The following BTAF1 variants were observed in gnomAD, a reference collection of about 807,000 sequenced individuals.
BTAF1 encodes the protein B-TFIID TATA-box binding protein associated factor 1.
In BTAF1, 38 loss-of-function variants were observed where a neutral mutation model predicts 227.1. That is an observed-to-expected ratio of 0.17 (90% CI 0.13 to 0.22). The LOEUF (loss-of-function observed/expected upper bound fraction) is 0.22. BTAF1 is among the 10% of genes least tolerant of loss of function. The pLI is 1.00. For synonymous variants in BTAF1, 742 were observed against 751.9 expected (o/e 0.99, Z 0.21); for missense variants, 1,598 against 2,204.0 (o/e 0.73, Z 5.51).
At chr10:91,964,416 T>C (rs1846734965) in intron 13 of BTAF1, among the ~76,000 whole-genome samples, 1 of 152,168 alleles carries the variant, frequency 6.6e-6, no homozygotes, top group Non-Finnish European at 1.5e-5. Context: ...CCTTGAGATA[T>C]TTCAGTTATA....
chr10:91,972,967 T>C (rs1161096291), intron 14 of BTAF1, among the ~76,000 whole-genome samples: 1 of 152,230 alleles, frequency 6.6e-6, no homozygotes, highest in Non-Finnish European at 1.5e-5. Context: ...TTGAAAAATT[T>C]CTGAGTTTCA....
intron 25 of BTAF1, among the ~76,000 whole-genome samples, chr10:92,000,381 A>G (rs1243239596): frequency 1.3e-5 from 2 of 152,206 alleles, no homozygotes; most frequent in Non-Finnish European, 2.9e-5. Flanking sequence ...GTTTGTTTTT[A>G]AGGAAAATTA....
chr10:91,991,797 GTATATATA>G (rs1166615338), intron 20 of BTAF1, among the ~76,000 whole-genome samples: 10 of 9,976 alleles, frequency 1.0e-3, no homozygotes, highest in South Asian at 7.8e-3. Flanking sequence ...GTGTGTGTGT[GTATATATA>G]TATATATATA....
chr10:91,993,388 A>G (rs181156433), intron 21 of BTAF1, among the ~76,000 whole-genome samples: 12 of 152,252 alleles, frequency 7.9e-5, no homozygotes, highest in Admixed American at 2.0e-4. Flanking sequence ...AGGTAGAGAG[A>G]AGGAGGAAAA....
chr10:91,986,341 G>A (rs555650481), intron 19 of BTAF1, among the ~76,000 whole-genome samples: 2 of 152,274 alleles, frequency 1.3e-5, no homozygotes, highest in African/African-American at 4.8e-5. Context: ...CTTCATTACA[G>A]CAGCTTTGTA....
At chr10:91,925,270 A>G (rs1018170359) in intron 1 of BTAF1, among the ~76,000 whole-genome samples, 2 of 152,192 alleles carry the variant, frequency 1.3e-5, no homozygotes, top group African/African-American at 4.8e-5. Flanking sequence ...GTGACATTTT[A>G]CATTTTTGCA....
At chr10:92,017,315 A>T (rs1187066874) in intron 33 of BTAF1, among the ~76,000 whole-genome samples, 1 of 152,184 alleles carries the variant, frequency 6.6e-6, no homozygotes, top group African/African-American at 2.4e-5. Flanking sequence ...CAGGCAGAGG[A>T]TACAAAAAGT....
At chr10:91,974,376 C>A (rs939257311) in intron 14 of BTAF1, among the ~76,000 whole-genome samples, 2 of 152,122 alleles carry the variant, frequency 1.3e-5, no homozygotes, top group African/African-American at 4.8e-5. Context: ...TCTAAAATGT[C>A]CTTAAATAAA....
At position 91,966,740 on chromosome 10, in the gene BTAF1, T is replaced by C; in HGVS notation, c.1633T>C (p.Leu545=). The C allele has an allele frequency of 6.2e-7, 1 of 1,613,972 alleles. No homozygotes were observed. The highest frequency in any genetic ancestry group is 8.5e-7 in the Non-Finnish European group (1 of 1,179,904). The change falls in exon 14 of 38, where the codon TTA becomes CTA. Residue 545 remains leucine, a synonymous_variant. Coordinates refer to ENST00000265990, the MANE Select transcript of BTAF1 (RefSeq NM_003972.3). ...AGCATTGGAAACTCTGTTTACGTTA[T>C]TATCAACACAGGACCAGGTAAGAAC... ...RAALETLFTL[L]STQDQNSSSW...
chr10:92,013,384 AT>A lies in BTAF1; in HGVS notation c.4312-280del, dbSNP rs1181938253. 3.9e-5 allele frequency among the ~76,000 whole-genome samples: 6 copies of A among 152,228 alleles called. No individual in the cohort carries two copies. In the East Asian group the frequency reaches 1.2e-3, roughly 29 times the overall value. ...CAGAAAGTTATCTTTCTGCTCTTCT[AT>A]TTAGTACTTCATAAATGCCAACAGT... On this transcript the variant is annotated intron_variant, in intron 30 of 37. Coordinates refer to ENST00000265990, the MANE Select transcript of BTAF1 (RefSeq NM_003972.3).
intron 30 of BTAF1, 84 bp downstream of exon 30, chr10:92,011,499 C>A: frequency 5.1e-6 from 3 of 592,460 alleles, no homozygotes; most frequent in Non-Finnish European, 7.2e-6. Flanking sequence ...TGGTATTTGG[C>A]GGTGAATTAA....
chr10:92,011,851 G>C (rs1280653035), intron 30 of BTAF1, among the ~76,000 whole-genome samples: 4 of 152,036 alleles, frequency 2.6e-5, no homozygotes, highest in African/African-American at 9.7e-5. Flanking sequence ...TTTGTAAAAG[G>C]AAGGAGATAG....
chr10:92,022,953 CAT>C (rs1382028559), intron 34 of BTAF1, among the ~76,000 whole-genome samples: 2 of 152,090 alleles, frequency 1.3e-5, no homozygotes, highest in Non-Finnish European at 2.9e-5. Context: ...AGAATGAGAA[CAT>C]GTGTTCTTCC....
chr10:92,013,305 A>G (rs1850496898), intron 30 of BTAF1, among the ~76,000 whole-genome samples: 1 of 152,200 alleles, frequency 6.6e-6, no homozygotes, highest in Non-Finnish European at 1.5e-5. Context: ...GTTGATGATG[A>G]AATGGTGATA....
intron 4 of BTAF1, among the ~76,000 whole-genome samples, chr10:91,946,600 A>G (rs1845380584): frequency 1.3e-5 from 2 of 152,136 alleles, no homozygotes; most frequent in South Asian, 4.1e-4. Context: ...TAGCTGTACT[A>G]ATGGTGTGAA....
chr10:92,022,167 T>TTG (rs1246501792), intron 34 of BTAF1, among the ~76,000 whole-genome samples: 1 of 152,186 alleles, frequency 6.6e-6, no homozygotes, highest in African/African-American at 2.4e-5. Context: ...CAGAGATACT[T>TTG]ACGTCAAATG....
intron 14 of BTAF1, among the ~76,000 whole-genome samples, chr10:91,971,658 G>C (rs1361493481): frequency 5.3e-5 from 8 of 151,974 alleles, no homozygotes; most frequent in Middle Eastern, 6.8e-3. Flanking sequence ...TTTTAGTAGA[G>C]ACAGGGTTTC....
At chr10:92,019,040 T>C in intron 34 of BTAF1, 105 bp downstream of exon 34, 1 of 1,156,748 alleles carries the variant, frequency 8.6e-7, no homozygotes, top group Non-Finnish European at 1.2e-6. Flanking sequence ...CCATTTATTT[T>C]TAAATTTGGT....
intron 35 of BTAF1, among the ~76,000 whole-genome samples, chr10:92,025,534 C>T (rs1188226681): frequency 3.3e-5 from 5 of 151,914 alleles, no homozygotes; most frequent in East Asian, 1.9e-4. Flanking sequence ...CAGCTGAGCG[C>T]GGTGACTCAT....
Sources: allele counts gnomAD v4.1 joint callset (sites outside exome capture counted in the v4.1 genomes callset), GRCh38; gene constraint gnomAD v4.1.1; transcripts MANE v1.5; gene names NCBI Gene and HGNC (gene_info 2026-07-23, HGNC 2026-07-21).